Variants in MGMT observed in about 807,000 individuals in gnomAD.
MGMT encodes the protein O-6-methylguanine-DNA methyltransferase, also known as methylated-DNA--protein-cysteine methyltransferase.
MGMT carries 14 observed loss-of-function variants against 15.9 expected under a neutral mutation model. The observed-to-expected ratio is 0.88, with a 90% confidence interval of 0.58 to 1.37. MGMT has a LOEUF of 1.37. Ranked by LOEUF, MGMT falls within the 40% of genes most tolerant of loss-of-function variation. The probability of loss-of-function intolerance (pLI) is 0.00; values close to 1 mark genes in which losing one functional copy is unlikely to be tolerated. For synonymous variants in MGMT, 130 were observed against 118.2 expected (o/e 1.10, Z -0.65); for missense variants, 282 against 268.1 (o/e 1.05, Z -0.36).
intron 2 of MGMT, among the ~76,000 whole-genome samples, chr10:129,636,476 G>T (rs1368586944): frequency 6.6e-6 from 1 of 152,236 alleles, no homozygotes; most frequent in African/African-American, 2.4e-5. Flanking sequence ...AACTGTCATT[G>T]AAAGAAGGCC....
At chr10:129,647,841 C>A (rs1232482510) in intron 2 of MGMT, among the ~76,000 whole-genome samples, 1 of 152,108 alleles carries the variant, frequency 6.6e-6, no homozygotes, top group Admixed American at 6.6e-5. Context: ...ATTCAATTTC[C>A]CTCTGCAGTG....
chr10:129,724,937 A>G (rs189820437), intron 3 of MGMT, among the ~76,000 whole-genome samples: 19 of 152,306 alleles, frequency 1.2e-4, no homozygotes, highest in African/African-American at 3.8e-4. Flanking sequence ...CCTCAGCGAG[A>G]TACTGAGTGC....
intron 2 of MGMT, among the ~76,000 whole-genome samples, chr10:129,692,393 TATCTC>T (rs1289082478): frequency 6.6e-6 from 1 of 152,148 alleles, no homozygotes; most frequent in Admixed American, 6.5e-5. Flanking sequence ...GGTAAAGAAT[TATCTC>T]AGCCTTAGTG....
At chr10:129,487,848 G>A (rs1312706582) in intron 1 of MGMT, among the ~76,000 whole-genome samples, 1 of 151,634 alleles carries the variant, frequency 6.6e-6, no homozygotes, top group African/African-American at 2.4e-5. Context: ...CTTCTTATGT[G>A]TGTGTTTTAA....
intron 2 of MGMT, among the ~76,000 whole-genome samples, chr10:129,675,392 G>A (rs1188468405): frequency 6.6e-6 from 1 of 152,210 alleles, no homozygotes; most frequent in Non-Finnish European, 1.5e-5. Flanking sequence ...ACTAGTAGAA[G>A]GATGACAGCA....
chr10:129,480,752 T>G (rs891632083), intron 1 of MGMT, among the ~76,000 whole-genome samples: 4 of 152,222 alleles, frequency 2.6e-5, no homozygotes, highest in Non-Finnish European at 5.9e-5. Flanking sequence ...CCTTTTATCA[T>G]CAGCAGCAGA....
chr10:129,686,571 TC>T (rs1252289583), intron 2 of MGMT, among the ~76,000 whole-genome samples: 3 of 42,810 alleles, frequency 7.0e-5, no homozygotes, highest in African/African-American at 2.0e-4. Flanking sequence ...AATGGGGTTT[TC>T]TGCTGCTCTC....
chr10:129,675,124 C>T (rs551715129), intron 2 of MGMT, among the ~76,000 whole-genome samples: 1 of 152,328 alleles, frequency 6.6e-6, no homozygotes, highest in South Asian at 2.1e-4. Flanking sequence ...GACCTGTGTG[C>T]TTGCCGTGCA....
At chr10:129,497,442 A>G (rs1845533575) in intron 1 of MGMT, among the ~76,000 whole-genome samples, 1 of 152,192 alleles carries the variant, frequency 6.6e-6, no homozygotes, top group South Asian at 2.1e-4. Context: ...CCCTGCATGT[A>G]CATAGATGAC....
chr10:129,633,304 G>A (rs1847231383), intron 2 of MGMT, among the ~76,000 whole-genome samples: 1 of 152,182 alleles, frequency 6.6e-6, no homozygotes, highest in South Asian at 2.1e-4. Flanking sequence ...ACTGACACAT[G>A]CTCTCACCAA....
At chr10:129,623,378 A>G (rs1847111725) in intron 2 of MGMT, among the ~76,000 whole-genome samples, 1 of 152,134 alleles carries the variant, frequency 6.6e-6, no homozygotes, top group Non-Finnish European at 1.5e-5. Flanking sequence ...TGGTCTGCAC[A>G]TGCCAGCTGA....
At chr10:129,679,162 A>G (rs1847819473) in intron 2 of MGMT, among the ~76,000 whole-genome samples, 2 of 152,206 alleles carry the variant, frequency 1.3e-5, no homozygotes, top group Non-Finnish European at 2.9e-5. Flanking sequence ...CTTACAAGCA[A>G]GCAGTTCAGA....
intron 2 of MGMT, among the ~76,000 whole-genome samples, chr10:129,613,038 T>C (rs1175318445): frequency 6.6e-6 from 1 of 152,166 alleles, no homozygotes; most frequent in Non-Finnish European, 1.5e-5. Context: ...TGCTGGCCTG[T>C]CTAAAACATT....
chr10:129,483,598 A>G (rs1487242875), intron 1 of MGMT, among the ~76,000 whole-genome samples: 3 of 152,100 alleles, frequency 2.0e-5, no homozygotes, highest in Non-Finnish European at 4.4e-5. Flanking sequence ...TCTGCCTTGC[A>G]TAGTTTCTGA....
intron 1 of MGMT, among the ~76,000 whole-genome samples, chr10:129,486,387 C>T (rs1845409550): frequency 6.6e-6 from 1 of 152,026 alleles, no homozygotes; most frequent in African/African-American, 2.4e-5. Flanking sequence ...TGGGGTTTTG[C>T]CACGTTGGCC....
At chr10:129,531,559 C>A (rs989780894) in intron 1 of MGMT, among the ~76,000 whole-genome samples, 1 of 152,084 alleles carries the variant, frequency 6.6e-6, no homozygotes, top group East Asian at 1.9e-4. Context: ...GCATCAGAGA[C>A]GCTGCCGTGC....
At chr10:129,561,108 C>G (rs1485760685) in intron 2 of MGMT, among the ~76,000 whole-genome samples, 1 of 152,188 alleles carries the variant, frequency 6.6e-6, no homozygotes, top group African/African-American at 2.4e-5. Flanking sequence ...CACCCTCTAC[C>G]TGCAGTTGGT....
chr10:129,675,966 C>A (rs1215512325), intron 2 of MGMT, among the ~76,000 whole-genome samples: 1 of 152,182 alleles, frequency 6.6e-6, no homozygotes, highest in Non-Finnish European at 1.5e-5. Context: ...TCTGCAAGGT[C>A]CCGGCCATGT....
intron 2 of MGMT, among the ~76,000 whole-genome samples, chr10:129,684,720 A>G (rs571239990): frequency 2.4e-4 from 37 of 152,348 alleles, no homozygotes; most frequent in African/African-American, 8.9e-4. Context: ...AGGTTCCCCA[A>G]GACTTTTGTT....
Sources: allele counts gnomAD v4.1 joint callset (sites outside exome capture counted in the v4.1 genomes callset), GRCh38; gene constraint gnomAD v4.1.1; transcripts MANE v1.5; gene names NCBI Gene and HGNC (gene_info 2026-07-23, HGNC 2026-07-21).